The following ZFHX3 variants were observed in gnomAD, a reference collection of about 807,000 sequenced individuals.
ZFHX3 encodes zinc finger homeobox 3, also known as zinc finger homeobox protein 3.
In ZFHX3, 42 loss-of-function variants were observed where a neutral mutation model predicts 279.1. The ratio of observed to expected loss-of-function variants is 0.15; its 90% CI spans 0.12 to 0.19. The LOEUF (loss-of-function observed/expected upper bound fraction) is 0.19. Among genes scored for constraint, ZFHX3 ranks in the 10% least tolerant of loss-of-function variants. The pLI, the probability that ZFHX3 is intolerant of heterozygous loss-of-function variation, is 1.00. For missense variants in ZFHX3, 4,981 were observed against 4,754.0 expected (o/e 1.05, Z -1.40); for synonymous variants, 2,293 against 1,957.8 (o/e 1.17, Z -4.52).
chr16:73,533,639 T>C (rs1395761112), intron 2 of ZFHX3, among the ~76,000 whole-genome samples: 1 of 151,542 alleles, frequency 6.6e-6, no homozygotes, highest in African/African-American at 2.4e-5. Context: ...TCACTTGAAT[T>C]TTTAATAGAC....
chr16:73,757,055 C>T (rs542747813), intron 1 of ZFHX3, among the ~76,000 whole-genome samples: 3 of 152,060 alleles, frequency 2.0e-5, no homozygotes, highest in East Asian at 3.9e-4. Context: ...CAGGAACAAA[C>T]GTGGGCTTAC....
At chr16:73,636,566 T>A (rs1206809869) in intron 2 of ZFHX3, among the ~76,000 whole-genome samples, 1 of 152,094 alleles carries the variant, frequency 6.6e-6, no homozygotes, top group African/African-American at 2.4e-5. Flanking sequence ...GGTGGGAAAT[T>A]GTAAAATGCA....
chr16:73,293,295 G>T (rs558795725), intron 4 of ZFHX3, among the ~76,000 whole-genome samples: 1 of 152,092 alleles, frequency 6.6e-6, no homozygotes, highest in Non-Finnish European at 1.5e-5. Context: ...TCTGAACCCC[G>T]CTAGACCAGG....
intron 3 of ZFHX3, among the ~76,000 whole-genome samples, chr16:73,446,198 T>C (rs779513557): frequency 4.6e-5 from 7 of 152,198 alleles, no homozygotes; most frequent in South Asian, 2.1e-4. Flanking sequence ...CTTCCTGCTC[T>C]GGAACATGGA....
intron 5 of ZFHX3, among the ~76,000 whole-genome samples, chr16:72,829,004 T>C (rs916815194): frequency 6.6e-6 from 1 of 151,152 alleles, no homozygotes; most frequent in African/African-American, 2.4e-5. Flanking sequence ...AATCTTTTTT[T>C]TTTTTCCCCG....
At chr16:73,552,084 T>C (rs1252878943) in intron 2 of ZFHX3, among the ~76,000 whole-genome samples, 1 of 152,216 alleles carries the variant, frequency 6.6e-6, no homozygotes, top group Non-Finnish European at 1.5e-5. Flanking sequence ...CACAGTCATG[T>C]ATCTTTTACT....
chr16:73,526,465 A>T (rs1212269946), intron 2 of ZFHX3, among the ~76,000 whole-genome samples: 1 of 152,200 alleles, frequency 6.6e-6, no homozygotes, highest in African/African-American at 2.4e-5. Context: ...TTGATCCTTA[A>T]TGTTATACTT....
intron 2 of ZFHX3, among the ~76,000 whole-genome samples, chr16:73,620,507 A>C (rs2052348230): frequency 6.6e-6 from 1 of 152,234 alleles, no homozygotes; most frequent in South Asian, 2.1e-4. Flanking sequence ...ATGTCTCAAC[A>C]CTTAGGGCAG....
At chr16:72,912,630 T>C (rs1398340315) in intron 3 of ZFHX3, among the ~76,000 whole-genome samples, 2 of 152,212 alleles carry the variant, frequency 1.3e-5, no homozygotes, top group Admixed American at 6.5e-5. Flanking sequence ...TAAGGGTTGC[T>C]GTCCTTGGGA....
intron 4 of ZFHX3, among the ~76,000 whole-genome samples, chr16:72,833,085 G>T (rs967575988): frequency 6.6e-6 from 1 of 152,212 alleles, no homozygotes; most frequent in African/African-American, 2.4e-5. Context: ...TGCAGGCAGG[G>T]TGTGTTTTAT....
chr16:73,330,052 GAC>G, intron 3 of ZFHX3, among the ~76,000 whole-genome samples: 1 of 152,134 alleles, frequency 6.6e-6, no homozygotes, highest in Non-Finnish European at 1.5e-5. Flanking sequence ...GCTACTCAGG[GAC>G]ACAATGCAGA....
At chr16:73,327,376 T>C (rs2015711710) in intron 3 of ZFHX3, among the ~76,000 whole-genome samples, 1 of 152,174 alleles carries the variant, frequency 6.6e-6, no homozygotes, top group South Asian at 2.1e-4. Context: ...AACCCACTCC[T>C]ACCCTTCAAA....
intron 1 of ZFHX3, among the ~76,000 whole-genome samples, chr16:73,805,762 A>C (rs1286618495): frequency 6.6e-6 from 1 of 152,220 alleles, no homozygotes; most frequent in Non-Finnish European, 1.5e-5. Context: ...AAAAAGATGC[A>C]CGTATAATAT....
chr16:73,636,139 T>C (rs886523012), intron 2 of ZFHX3, among the ~76,000 whole-genome samples: 15 of 152,202 alleles, frequency 9.9e-5, no homozygotes, highest in African/African-American at 3.6e-4. Flanking sequence ...TCAGTTCTCA[T>C]ATAGGTAATG....
chr16:73,315,657 G>A (rs2015428888), intron 4 of ZFHX3, among the ~76,000 whole-genome samples: 1 of 152,078 alleles, frequency 6.6e-6, no homozygotes, highest in Non-Finnish European at 1.5e-5. Context: ...TTTATTATAT[G>A]AGCCTTCAGC....
intron 3 of ZFHX3, among the ~76,000 whole-genome samples, chr16:73,371,079 T>A (rs1456300321): frequency 6.6e-6 from 1 of 152,010 alleles, no homozygotes; most frequent in Non-Finnish European, 1.5e-5. Flanking sequence ...CCCAGCACTT[T>A]GGGAGGCCAA....
intron 1 of ZFHX3, among the ~76,000 whole-genome samples, chr16:72,991,850 A>T (rs1409998210): frequency 6.6e-6 from 1 of 152,126 alleles, no homozygotes; most frequent in Non-Finnish European, 1.5e-5. Context: ...AACTTTGTAC[A>T]TTCTGGTCAT....
At position 73,884,292 on chromosome 16, in the gene ZFHX3, T is replaced by TA. The variant is rs897751118; in HGVS notation, c.-1608+7358dup. ...TGTATATTATGCTCAGTGTTTTGGT[T>TA]AAAAAAAAAATTGGTTATGTGGGCC... On this transcript the variant is annotated intron_variant, in intron 1 of 17. Coordinates refer to the ZFHX3 transcript ENST00000641206. Among the ~76,000 whole-genome samples the TA allele has an allele frequency of 8.7e-4, 130 of 150,060 alleles. 1 individual carries two copies. The highest frequency in any genetic ancestry group is 1.4e-3 in the East Asian group (7 of 5,142).
intron 8 of ZFHX3, among the ~76,000 whole-genome samples, chr16:73,068,426 C>A (rs1597146189): frequency 6.6e-6 from 1 of 152,174 alleles, no homozygotes; most frequent in East Asian, 1.9e-4. Flanking sequence ...AGACAAGTCA[C>A]TGATGGGCAT....
Sources: gnomAD v4.1 joint callset for allele counts (sites outside exome capture counted in the v4.1 genomes callset) on GRCh38, gnomAD v4.1.1 for gene constraint, MANE v1.5 for transcripts, NCBI Gene and HGNC (gene_info 2026-07-23, HGNC 2026-07-21) for gene names.